The following SEZ6L variants were observed in gnomAD, a reference collection of about 807,000 sequenced individuals.
The protein encoded by SEZ6L is seizure 6-like protein.
In SEZ6L, 37 loss-of-function variants were observed where a neutral mutation model predicts 106.2. The ratio of observed to expected loss-of-function variants is 0.35; its 90% CI spans 0.27 to 0.46. The LOEUF is 0.46. Ranked by LOEUF, SEZ6L falls within the 20% of genes least tolerant of loss-of-function variation. The pLI is 1.00. For missense variants in SEZ6L, 1,172 were observed against 1,332.8 expected (o/e 0.88, Z 1.88); for synonymous variants, 541 against 570.4 (o/e 0.95, Z 0.73).
Position 26,307,478 on chromosome 22 carries a change from TAA to T in SEZ6L, c.1514+1347_1514+1348del, listed in dbSNP as rs34235682. ...ATGAGGTCTTTAGTTTGGAAAGACT[TAA>T]AAAAAAAAAAAAGACAACTGAATAA... On this transcript the variant is annotated intron_variant, in intron 6 of 16. Coordinates refer to ENST00000248933, the MANE Select transcript of SEZ6L (RefSeq NM_021115.5). Among the ~76,000 whole-genome samples the T allele has an allele frequency of 5.3e-3, 764 of 145,404 alleles. 8 individuals carry two copies. In the East Asian group the frequency reaches 0.061, roughly 12 times the overall value.
chr22:26,295,916 G>A (rs547540791), intron 3 of SEZ6L, among the ~76,000 whole-genome samples: 1 of 152,188 alleles, frequency 6.6e-6, no homozygotes, highest in Non-Finnish European at 1.5e-5. Context: ...GTCTCATAGA[G>A]GAGGGCAATT....
intron 1 of SEZ6L, among the ~76,000 whole-genome samples, chr22:26,228,873 T>TGC (rs2078713630): frequency 6.6e-6 from 1 of 152,240 alleles, no homozygotes; most frequent in Non-Finnish European, 1.5e-5. Context: ...CTCAAGTTTT[T>TGC]ACTCTAAGCA....
intron 1 of SEZ6L, among the ~76,000 whole-genome samples, chr22:26,221,260 C>T (rs1294338917): frequency 2.0e-5 from 3 of 152,082 alleles, no homozygotes; most frequent in Non-Finnish European, 4.4e-5. Context: ...CCCACAGAGA[C>T]TGGTCTTTTT....
At chr22:26,341,316 C>T (rs1469220619) in intron 10 of SEZ6L, among the ~76,000 whole-genome samples, 1 of 152,230 alleles carries the variant, frequency 6.6e-6, no homozygotes, top group South Asian at 2.1e-4. Flanking sequence ...CTCACACACT[C>T]CTATGACCCC....
At chr22:26,369,379 C>G (rs376932966) in intron 13 of SEZ6L, among the ~76,000 whole-genome samples, 4 of 62,646 alleles carry the variant, frequency 6.4e-5, no homozygotes, top group South Asian at 2.0e-3. Flanking sequence ...TCGCTCTGTC[C>G]CCCAGGCTGG....
At chr22:26,241,646 C>T (rs1406276215) in intron 1 of SEZ6L, among the ~76,000 whole-genome samples, 1 of 152,170 alleles carries the variant, frequency 6.6e-6, no homozygotes, top group Non-Finnish European at 1.5e-5. Context: ...AATCTCACTG[C>T]ACCTGTTTGG....
At chr22:26,303,578 A>G (rs773234497) in intron 5 of SEZ6L, among the ~76,000 whole-genome samples, 10 of 152,176 alleles carry the variant, frequency 6.6e-5, no homozygotes, top group Non-Finnish European at 1.5e-4. Flanking sequence ...TGCTCCACTT[A>G]TTATGTGTAT....
intron 1 of SEZ6L, among the ~76,000 whole-genome samples, chr22:26,244,183 GA>G (rs796379246): frequency 1.3e-5 from 2 of 151,664 alleles, no homozygotes; most frequent in Non-Finnish European, 1.5e-5. Flanking sequence ...AAGAAAGAAA[GA>G]AAAGAGTAGA....
intron 1 of SEZ6L, among the ~76,000 whole-genome samples, chr22:26,170,892 T>G (rs916544899): frequency 1.3e-5 from 2 of 152,218 alleles, no homozygotes; most frequent in African/African-American, 2.4e-5. Flanking sequence ...CTCTGTCATT[T>G]GCACCGTCTT....
intron 1 of SEZ6L, among the ~76,000 whole-genome samples, chr22:26,199,683 G>C (rs1446446617): frequency 6.6e-6 from 1 of 152,190 alleles, no homozygotes; most frequent in East Asian, 1.9e-4. Flanking sequence ...ATTTCAGACT[G>C]TCAGTGCAGC....
rs151319485 is a variant in SEZ6L, at chr22:26,372,016, C to G, written c.2795-1435C>G. On this transcript the variant is annotated intron_variant, in intron 13 of 16. Coordinates refer to ENST00000248933, the MANE Select transcript of SEZ6L (RefSeq NM_021115.5). ...CCACCTGACTGGGACTTGGGGACCC[C>G]GGGCTCCAGTCCAGTTCTGCTGTGG... Among the ~76,000 whole-genome samples, 690 of 152,340 alleles carry G rather than the reference C, an allele frequency of 4.5e-3. 3 individuals are homozygous for G. The highest frequency in any genetic ancestry group is 0.016 in the African/African-American group (665 of 41,578).
intron 1 of SEZ6L, among the ~76,000 whole-genome samples, chr22:26,279,563 G>A (rs1054835736): frequency 9.2e-5 from 14 of 152,168 alleles, no homozygotes; most frequent in Non-Finnish European, 1.8e-4. Flanking sequence ...AAAATTGGGC[G>A]AAAAGAAAGG....
At position 26,310,662 on chromosome 22, in the gene SEZ6L, A is replaced by G; in HGVS notation, c.1515-8A>G. 1 of 1,613,990 alleles carries G rather than the reference A, an allele frequency of 6.2e-7. No individual in the cohort carries two copies. The highest frequency in any genetic ancestry group is 8.5e-7 in the Non-Finnish European group (1 of 1,179,956). ...GTCAGTGTCCCTCCTCTCTGCTCCCACTGCCAGGATGACGGTTCACAGCGG... is the reference window on the plus strand; with the variant it reads ...GTCAGTGTCCCTCCTCTCTGCTCCCGCTGCCAGGATGACGGTTCACAGCGG... On this transcript the variant is annotated splice_polypyrimidine_tract_variant and splice_region_variant and intron_variant, in intron 6 of 16. Transcript: ENST00000248933.
At chr22:26,208,850 C>CTCTGTG (rs1169195734) in intron 1 of SEZ6L, among the ~76,000 whole-genome samples, 4 of 111,800 alleles carry the variant, frequency 3.6e-5, no homozygotes, top group Non-Finnish European at 7.4e-5. Context: ...GACTCTCTCT[C>CTCTGTG]TGTGTGTGTG....
chr22:26,345,775 T>C (rs904776549), intron 10 of SEZ6L, among the ~76,000 whole-genome samples: 2 of 152,216 alleles, frequency 1.3e-5, no homozygotes, highest in Non-Finnish European at 2.9e-5. Context: ...AAATTAATTA[T>C]ACAACATAAT....
intron 1 of SEZ6L, among the ~76,000 whole-genome samples, chr22:26,260,701 A>G (rs2079973210): frequency 6.6e-6 from 1 of 152,114 alleles, no homozygotes; most frequent in Non-Finnish European, 1.5e-5. Context: ...TGTGTGTGCA[A>G]GTATCTTTTT....
At chr22:26,338,020 C>T (rs537814908) in intron 9 of SEZ6L, among the ~76,000 whole-genome samples, 83 of 152,338 alleles carry the variant, frequency 5.4e-4, no homozygotes, top group African/African-American at 1.9e-3. Flanking sequence ...CACCTCCCAA[C>T]TCCCGGACTA....
intron 9 of SEZ6L, among the ~76,000 whole-genome samples, chr22:26,314,239 G>C (rs2081935738): frequency 6.6e-6 from 1 of 152,228 alleles, no homozygotes; most frequent in Non-Finnish European, 1.5e-5. Flanking sequence ...ATGGTGCTAT[G>C]AGATTCTTTA....
In SEZ6L at chr22:26,292,634, G is replaced by T; in HGVS notation, c.323G>T (p.Arg108Leu). The T allele has an allele frequency of 1.9e-6, 3 of 1,612,692 alleles. No homozygotes were observed. The highest frequency in any genetic ancestry group is 2.5e-6 in the Non-Finnish European group (3 of 1,179,610). ...ALSPLLPEEARPKHALPPKKK... is the reference protein window; with the variant it reads ...ALSPLLPEEALPKHALPPKKK... ...TCACCGCTGCTTCCAGAGGAGGCCC[G>T]CCCCAAGCACGCCTTGCCCCCCAAG... Residue 108 changes from arginine to leucine, a missense_variant, in exon 2 of 17, where the codon CGC becomes CTC. Transcript: ENST00000248933.
Sources: allele counts gnomAD v4.1 joint callset (sites outside exome capture counted in the v4.1 genomes callset), GRCh38; gene constraint gnomAD v4.1.1; transcripts MANE v1.5; gene names NCBI Gene and HGNC (gene_info 2026-07-23, HGNC 2026-07-21).